Variants in NFIB observed in about 807,000 individuals in gnomAD.
NFIB encodes the protein nuclear factor 1 B-type.
In NFIB, 11 loss-of-function variants were observed where a neutral mutation model predicts 61.5. The observed-to-expected ratio is 0.18, with a 90% CI of 0.11 to 0.30. The LOEUF is 0.30. NFIB is among the 10% of genes least tolerant of loss of function. The pLI is 1.00. For missense variants in NFIB, 471 were observed against 608.9 expected (o/e 0.77, Z 2.38); for synonymous variants, 260 against 216.5 (o/e 1.20, Z -1.76).
chr9:14,381,258 C>A (rs2061486025), intron 1 of NFIB, among the ~76,000 whole-genome samples: 1 of 151,844 alleles, frequency 6.6e-6, no homozygotes, highest in Admixed American at 6.6e-5. Context: ...GTGGTGCAGT[C>A]TTGGCTTATT....
the NFIB span, among the ~76,000 whole-genome samples, chr9:14,408,082 G>C: frequency 6.6e-6 from 1 of 152,046 alleles, no homozygotes. Context: ...TTAGTTTCAG[G>C]CCTAGTTTCA....
At chr9:14,339,394 T>A (rs2060923974) in intron 1 of NFIB, among the ~76,000 whole-genome samples, 1 of 152,144 alleles carries the variant, frequency 6.6e-6, no homozygotes, top group Non-Finnish European at 1.5e-5. Context: ...AGAATGGCGA[T>A]TCTTTGATAA....
the NFIB span, among the ~76,000 whole-genome samples, chr9:14,447,479 C>G: frequency 6.6e-6 from 1 of 152,134 alleles, no homozygotes; most frequent in Admixed American, 6.5e-5. Context: ...AAATTCTTGG[C>G]TTGAGGTTTT....
At chr9:14,272,456 A>G (rs2057696312) in intron 2 of NFIB, among the ~76,000 whole-genome samples, 1 of 152,042 alleles carries the variant, frequency 6.6e-6, no homozygotes, top group South Asian at 2.1e-4. Flanking sequence ...ATTTAAAAAC[A>G]CTCCTACTGA....
intron 1 of NFIB, among the ~76,000 whole-genome samples, chr9:14,347,976 G>T (rs1441498240): frequency 2.6e-5 from 4 of 152,152 alleles, no homozygotes; most frequent in Non-Finnish European, 2.9e-5. Flanking sequence ...GTGCGCTCGC[G>T]GTCCTTGGCG....
chr9:14,297,306 A>G (rs1261177935), intron 2 of NFIB, among the ~76,000 whole-genome samples: 1 of 152,212 alleles, frequency 6.6e-6, no homozygotes, highest in Non-Finnish European at 1.5e-5. Context: ...GAAAGGCAAA[A>G]GAGATATTTT....
rs376339061 is a variant in NFIB, at chr9:14,123,046, A to C, written c.1061-2422T>G. 5.3e-5 allele frequency among the ~76,000 whole-genome samples: 8 copies of C among 151,886 alleles called. No homozygotes were observed. In the East Asian group the frequency reaches 1.6e-3, roughly 29 times the overall value. ...GGTGGAGTGGATCACTTGAGGTCAG[A>C]TGTTCGAGATCAGCCTGGCCAACAT... On this transcript the variant is annotated intron_variant, in intron 7 of 10. Coordinates refer to ENST00000380953, the MANE Select transcript of NFIB (RefSeq NM_001190737.2).
chr9:14,171,282 T>C (rs1219394892), intron 3 of NFIB, among the ~76,000 whole-genome samples: 1 of 152,216 alleles, frequency 6.6e-6, no homozygotes, highest in East Asian at 1.9e-4. Flanking sequence ...CCATGTGAAA[T>C]GCTCTTTCCT....
chr9:14,169,750 A>T (rs2045355261), intron 3 of NFIB, among the ~76,000 whole-genome samples: 3 of 152,338 alleles, frequency 2.0e-5, no homozygotes, highest in Admixed American at 2.0e-4. Flanking sequence ...CCTGGGAGGC[A>T]AAAGTTGCAG....
intron 10 of NFIB, among the ~76,000 whole-genome samples, chr9:14,098,827 C>A (rs540021108): frequency 6.6e-6 from 1 of 152,330 alleles, no homozygotes; most frequent in African/African-American, 2.4e-5. Context: ...ACACAGTTCA[C>A]AAAACAGTTC....
chr9:14,184,549 C>G (rs2047136182), intron 2 of NFIB, among the ~76,000 whole-genome samples: 1 of 152,072 alleles, frequency 6.6e-6, no homozygotes, highest in South Asian at 2.1e-4. Context: ...TATGGACAAT[C>G]TGGTGGAAGC....
chr9:14,321,464 T>C (rs1029005415), intron 1 of NFIB, among the ~76,000 whole-genome samples: 5 of 152,210 alleles, frequency 3.3e-5, no homozygotes, highest in African/African-American at 1.2e-4. Context: ...CAGAGTTAAA[T>C]AGTACTTCTT....
At chr9:14,146,973 T>C (rs527635897) in intron 5 of NFIB, among the ~76,000 whole-genome samples, 166 bp from the exon 6 acceptor site, 1 of 152,256 alleles carries the variant, frequency 6.6e-6, no homozygotes, top group East Asian at 1.9e-4. Context: ...ATAGCAAATA[T>C]TTCTAGTTGC....
At chr9:14,319,371 T>A (rs1387233493) in intron 1 of NFIB, among the ~76,000 whole-genome samples, 3 of 152,206 alleles carry the variant, frequency 2.0e-5, no homozygotes, top group Non-Finnish European at 2.9e-5. Context: ...TGTAAGACAC[T>A]TGCTTCACAG....
intron 2 of NFIB, among the ~76,000 whole-genome samples, chr9:14,201,757 T>C (rs1347484703): frequency 6.6e-6 from 1 of 151,722 alleles, no homozygotes; most frequent in Non-Finnish European, 1.5e-5. Context: ...ATGAAGAAAC[T>C]GAGACAAAGA....
chr9:14,297,203 C>T (rs1407181736), intron 2 of NFIB, among the ~76,000 whole-genome samples: 1 of 152,248 alleles, frequency 6.6e-6, no homozygotes, highest in African/African-American at 2.4e-5. Flanking sequence ...TCTCATATCA[C>T]AGTCTCACTG....
At chr9:14,500,165 G>C in the NFIB span, among the ~76,000 whole-genome samples, 2 of 152,130 alleles carry the variant, frequency 1.3e-5, no homozygotes, top group African/African-American at 2.4e-5. Flanking sequence ...CACAGATGAG[G>C]AAACAGGCAC....
At chr9:14,481,821 A>G in the NFIB span, among the ~76,000 whole-genome samples, 1 of 152,162 alleles carries the variant, frequency 6.6e-6, no homozygotes, top group South Asian at 2.1e-4. Context: ...CCCAAGGTAG[A>G]AATCATGCTT....
At chr9:14,502,855 C>G in the NFIB span, among the ~76,000 whole-genome samples, 1 of 152,162 alleles carries the variant, frequency 6.6e-6, no homozygotes, top group African/African-American at 2.4e-5. Context: ...ACACTGTACC[C>G]AGTGTGTAGT....
Sources: gnomAD v4.1 joint callset for allele counts (sites outside exome capture counted in the v4.1 genomes callset) on GRCh38, gnomAD v4.1.1 for gene constraint, MANE v1.5 for transcripts, NCBI Gene and HGNC (gene_info 2026-07-23, HGNC 2026-07-21) for gene names.